PACS1: variants seen among roughly 807,000 people sequenced by gnomAD.
PACS1 encodes the protein phosphofurin acidic cluster sorting protein 1, also known as PACS-1.
Under a neutral mutation model 115.0 loss-of-function variants are expected in PACS1, and 24 were observed. That is an observed-to-expected ratio of 0.21 (90% CI 0.15 to 0.29). PACS1 has a LOEUF of 0.29. PACS1 is among the 10% of genes least tolerant of loss of function. The pLI, the probability that PACS1 is intolerant of heterozygous loss-of-function variation, is 1.00. For missense variants in PACS1, 838 were observed against 1,251.2 expected, an observed-to-expected ratio of 0.67 and a Z score of 4.98; for synonymous variants, 453 against 504.5, an observed-to-expected ratio of 0.90 and a Z score of 1.37.
chr11:66,085,585 A>G (rs1857553351), intron 1 of PACS1, among the ~76,000 whole-genome samples: 3 of 152,162 alleles, frequency 2.0e-5, no homozygotes, highest in African/African-American at 4.8e-5. Flanking sequence ...AACTTGTGGT[A>G]TTGATGAAGT....
rs760699901 is a variant in PACS1, at chr11:66,216,522, C to T, written c.808C>T (p.Arg270Cys). The change falls in exon 6 of 24, where the codon CGT (arginine) becomes TGT (cysteine). Residue 270 changes from arginine to cysteine, a missense_variant and splice_region_variant. Coordinates refer to ENST00000320580, the MANE Select transcript of PACS1 (RefSeq NM_018026.4). ...TCTTACTCAGGTGTCTGTTGCAGAT[C>T]GTTCTCCTGATATTGACAATTATTC... is the stretch of plus-strand genomic sequence containing the variant. ...HEGIKSKLSD[R>C]SPDIDNYSEE... 1.9e-6 allele frequency: 3 copies of T among 1,612,748 alleles called. No individual in the cohort carries two copies. The highest frequency in any genetic ancestry group is 1.7e-5 in the Admixed American group (1 of 60,028).
rs75663034 is a variant in PACS1 at position 66,080,083 on chromosome 11, T to C, written c.356+9241T>C. Among the ~76,000 whole-genome samples the C allele has an allele frequency of 3.6e-3, 553 of 152,362 alleles. 3 individuals carry two copies. Among genetic ancestry groups the C allele is most frequent in the African/African-American group, 0.013 (527 of 41,578 alleles). ...ACCTACTCGCCATTACTGGAAATAA[T>C]CTTGTTCCTTTATTTAGTTACTTTA... On this transcript the variant is annotated intron_variant, in intron 1 of 23. Coordinates refer to ENST00000320580, the MANE Select transcript of PACS1 (RefSeq NM_018026.4).
chr11:66,141,978 G>A (rs1565122609), intron 1 of PACS1, among the ~76,000 whole-genome samples: 1 of 151,792 alleles, frequency 6.6e-6, no homozygotes, highest in Non-Finnish European at 1.5e-5. Context: ...GCTAATTTTT[G>A]TATTTTTAGT....
Position 66,216,513 on chromosome 11 carries a change from G to T in PACS1, c.806-7G>T. Reference sequence around the variant, plus strand: ...GCAAGGTTATCTTACTCAGGTGTCTGTTGCAGATCGTTCTCCTGATATTGA... The same window carrying T: ...GCAAGGTTATCTTACTCAGGTGTCTTTTGCAGATCGTTCTCCTGATATTGA... On this transcript the variant is annotated splice_polypyrimidine_tract_variant and splice_region_variant and intron_variant, in intron 5 of 23. Coordinates refer to ENST00000320580, the MANE Select transcript of PACS1 (RefSeq NM_018026.4). The T allele has an allele frequency of 6.2e-7, 1 of 1,610,942 alleles. No individual in the cohort carries two copies. The highest frequency in any genetic ancestry group is 1.3e-5 in the African/African-American group (1 of 74,984).
At chr11:66,242,858 G>A in intron 22 of PACS1, 54 bp from the exon 23 acceptor site, 1 of 1,609,754 alleles carries the variant, frequency 6.2e-7, no homozygotes, top group South Asian at 1.1e-5. Context: ...GGGGAGGAGA[G>A]GGGTGGCGGC....
At chr11:66,219,698 A>AC (rs1353919340) in intron 7 of PACS1, 48 bp from the exon 8 acceptor site, 1 of 1,432,560 alleles carries the variant, frequency 7.0e-7, no homozygotes, top group East Asian at 2.3e-5. Flanking sequence ...ACTTGAATTG[A>AC]CCCCAAGTGG....
In PACS1 at chr11:66,188,816, C is replaced by T. The variant is rs369638248; in HGVS notation, c.357-4670C>T. On this transcript the variant is annotated intron_variant, in intron 1 of 23. Coordinates refer to ENST00000320580, the MANE Select transcript of PACS1 (RefSeq NM_018026.4). ...TCTTTCCATCAAATGTGTGCAAATG[C>T]GGGTTTATGGAGAAATTTATCTTAC... Among the ~76,000 whole-genome samples the T allele has an allele frequency of 1.2e-4, 18 of 152,154 alleles. No homozygotes were observed. The South Asian group carries it at 3.5e-3, about 30-fold the overall frequency.
In PACS1 at chr11:66,242,892, T is replaced by C; in HGVS notation, c.2657-20T>C. On this transcript the variant is annotated intron_variant, in intron 22 of 23. Transcript: ENST00000320580. Reference sequence around the variant, plus strand: ...GCTTCCCCAGGGGCTGGGACACAGGTGGCCTTGCTTGCTTTCCAGTTCCCA... The same window carrying C: ...GCTTCCCCAGGGGCTGGGACACAGGCGGCCTTGCTTGCTTTCCAGTTCCCA... The C allele has an allele frequency of 6.2e-7, 1 of 1,613,424 alleles. No individual in the cohort carries two copies. The highest frequency in any genetic ancestry group is 8.5e-7 in the Non-Finnish European group (1 of 1,179,770).
chr11:66,203,089 T>TA (rs2134688583), intron 2 of PACS1, among the ~76,000 whole-genome samples: 1 of 152,254 alleles, frequency 6.6e-6, no homozygotes, highest in South Asian at 2.1e-4. Flanking sequence ...TTGCAAATGA[T>TA]ATGCTCTTCT....
At chr11:66,074,554 A>C (rs1369817789) in intron 1 of PACS1, among the ~76,000 whole-genome samples, 2 of 152,196 alleles carry the variant, frequency 1.3e-5, no homozygotes, top group Non-Finnish European at 2.9e-5. Flanking sequence ...AGTGGCATAA[A>C]AGTGATTATT....
At chr11:66,127,482 C>T (rs1202267960) in intron 1 of PACS1, among the ~76,000 whole-genome samples, 1 of 152,226 alleles carries the variant, frequency 6.6e-6, no homozygotes, top group East Asian at 1.9e-4. Flanking sequence ...TACGTGCTGT[C>T]TGTGTGCAGG....
At chr11:66,143,839 TA>T (rs1425712337) in intron 1 of PACS1, among the ~76,000 whole-genome samples, 2 of 152,144 alleles carry the variant, frequency 1.3e-5, no homozygotes, top group African/African-American at 2.4e-5. Context: ...GGGGTTTTGC[TA>T]TGTTGGCCAG....
intron 1 of PACS1, among the ~76,000 whole-genome samples, chr11:66,162,964 C>T (rs1859526448): frequency 6.6e-6 from 1 of 152,056 alleles, no homozygotes; most frequent in East Asian, 1.9e-4. Context: ...ATTAAATTTG[C>T]CATTGGAGAA....
At position 66,206,714 on chromosome 11, in the gene PACS1, C is replaced by T. The variant is rs144246543; in HGVS notation, c.445-3648C>T. Among the ~76,000 whole-genome samples the T allele has an allele frequency of 3.5e-4, 53 of 152,228 alleles. 1 individual carries two copies. The highest frequency in any genetic ancestry group is 1.1e-3 in the African/African-American group (46 of 41,546). On this transcript the variant is annotated intron_variant, in intron 2 of 23. Transcript: ENST00000320580. The stretch of plus-strand genomic sequence containing the variant: ...AGAGGGCTGGGGTGGAGGAAGTTAA[C>T]GGATTCCCTACGGTGGTCACGGTAG...
At chr11:66,173,866 A>C (rs1233178738) in intron 1 of PACS1, among the ~76,000 whole-genome samples, 2 of 152,148 alleles carry the variant, frequency 1.3e-5, no homozygotes, top group Non-Finnish European at 2.9e-5. Context: ...CAACTTGGCC[A>C]ACATGGCGAA....
At chr11:66,183,069 G>A (rs574523205) in intron 1 of PACS1, among the ~76,000 whole-genome samples, 23 of 152,230 alleles carry the variant, frequency 1.5e-4, no homozygotes, top group South Asian at 1.0e-3. Context: ...GATGGAGGCC[G>A]CAGTGAGCTG....
chr11:66,127,613 G>A (rs78691177), intron 1 of PACS1, among the ~76,000 whole-genome samples: 4,139 of 152,256 alleles, frequency 0.027, 202 homozygotes, highest in African/African-American at 0.093. Flanking sequence ...TAAAATAAGC[G>A]ACAGACATAG....
At chr11:66,142,855 G>T (rs951309674) in intron 1 of PACS1, among the ~76,000 whole-genome samples, 16 of 151,544 alleles carry the variant, frequency 1.1e-4, no homozygotes, top group Admixed American at 6.6e-5. Context: ...TCTGAATGAT[G>T]TCTTGGGTTT....
intron 1 of PACS1, among the ~76,000 whole-genome samples, chr11:66,076,950 G>A (rs892351136): frequency 6.6e-6 from 1 of 152,226 alleles, no homozygotes; most frequent in Non-Finnish European, 1.5e-5. Flanking sequence ...ATCAAGCAAG[G>A]TGGGCAGTCT....
Sources: allele counts gnomAD v4.1 joint callset (sites outside exome capture counted in the v4.1 genomes callset), GRCh38; gene constraint gnomAD v4.1.1; transcripts MANE v1.5; gene names NCBI Gene and HGNC (gene_info 2026-07-23, HGNC 2026-07-21).